The following OR11A1 variants were observed in gnomAD, a reference collection of about 807,000 sequenced individuals.
OR11A1 encodes the protein olfactory receptor 11A1.
For synonymous variants in OR11A1, 158 were observed against 152.2 expected (o/e 1.04, Z -0.28); for missense variants, 380 against 378.2 (o/e 1.00, Z -0.04).
chr6:29,453,978 A>G lies in OR11A1; in HGVS notation c.-389+3009T>C, dbSNP rs1423567190. On this transcript the variant is annotated intron_variant, in intron 1 of 4. Transcript: ENST00000377149. The surrounding 1 kb of genome is among the most constrained non-coding windows in gnomAD (Gnocchi z 4.5). ...CTGGGATCCAAGATTTTAAAATATG[A>G]ATTTTTAAGAGCTAGGTTGAGACCA... Among the ~76,000 whole-genome samples the G allele has an allele frequency of 2.0e-5, 3 of 152,166 alleles. No individual in the cohort carries two copies. The highest frequency in any genetic ancestry group is 7.2e-5 in the African/African-American group (3 of 41,440).
At chr6:29,432,979 A>T (rs73403384) in intron 1 of OR11A1, among the ~76,000 whole-genome samples, 10,202 of 152,250 alleles carry the variant, frequency 0.067, 581 homozygotes, top group African/African-American at 0.15. Flanking sequence ...ATATGCTAAA[A>T]GGTAAGTATA....
intron 1 of OR11A1, among the ~76,000 whole-genome samples, chr6:29,433,192 G>A (rs1783355238): frequency 6.6e-6 from 1 of 152,032 alleles, no homozygotes; most frequent in Non-Finnish European, 1.5e-5. Context: ...TTTTTGTGAT[G>A]AGAACACTCA....
intron 1 of OR11A1, among the ~76,000 whole-genome samples, chr6:29,443,786 G>C (rs1440030433): frequency 1.3e-5 from 2 of 152,204 alleles, no homozygotes; most frequent in South Asian, 2.1e-4. Flanking sequence ...CTCATCTCCA[G>C]GAAATGTGCA....
At chr6:29,444,091 G>A (rs568035601) in intron 1 of OR11A1, among the ~76,000 whole-genome samples, 7 of 152,268 alleles carry the variant, frequency 4.6e-5, no homozygotes, top group East Asian at 1.9e-4. Context: ...TGTGTTGTGG[G>A]AGGGACCTGG....
chr6:29,433,918 C>T (rs1226039834), intron 1 of OR11A1, among the ~76,000 whole-genome samples: 1 of 152,050 alleles, frequency 6.6e-6, no homozygotes, highest in Non-Finnish European at 1.5e-5. Context: ...TCCCTGATGA[C>T]TAGTGATGTT....
intron 1 of OR11A1, chr6:29,440,982 G>A: frequency 7.0e-7 from 1 of 1,423,710 alleles, no homozygotes; most frequent in Non-Finnish European, 9.8e-7. Flanking sequence ...CTTCTGTGCA[G>A]TGCTCTGAGT....
chr6:29,428,558 A>G, intron 4 of OR11A1: 1 of 181,884 alleles, frequency 5.5e-6, no homozygotes, highest in Non-Finnish European at 1.0e-5. Context: ...GATCGAGACC[A>G]TCCTGACTAA....
intron 1 of OR11A1, chr6:29,440,146 T>C (rs745702457): frequency 6.8e-6 from 11 of 1,613,460 alleles, no homozygotes; most frequent in African/African-American, 5.3e-5. Flanking sequence ...AATTTCCTCA[T>C]TGTGGTGCTG....
chr6:29,427,881 G>T (rs1258250718), intron 4 of OR11A1, 149 bp from the exon 5 acceptor site: 1 of 660,446 alleles, frequency 1.5e-6, no homozygotes, highest in Non-Finnish European at 2.4e-6. Flanking sequence ...ATTCTTTAAC[G>T]CTCAGAAGAG....
In OR11A1 at chr6:29,427,378, C is replaced by A. The variant is rs748590929; in HGVS notation, c.264G>T (p.Leu88=). The change falls in exon 5 of 5, where the codon CTG becomes CTT. Residue 88 remains leucine (L), a synonymous_variant. Transcript: ENST00000377149. ...CAGCCACAGAGATAGTTGCTTCTTG[C>A]AGGAAGCCCTCCAGCATTTTTGGCA... is the stretch of plus-strand genomic sequence containing the variant. ...AVMPKMLEGF[L]QEATISVAGC... 3.1e-6 allele frequency: 5 copies of A among 1,612,942 alleles called. No individual in the cohort carries two copies. In the East Asian group the frequency reaches 6.7e-5, roughly 22 times the overall value.
At chr6:29,450,708 G>A (rs1325267861) in intron 1 of OR11A1, 1 of 151,930 alleles carries the variant, frequency 6.6e-6, no homozygotes, top group Non-Finnish European at 1.5e-5. Context: ...GGAAATCAGA[G>A]ACAACACACA....
At chr6:29,429,581 T>A (rs1239406639) in intron 3 of OR11A1, among the ~76,000 whole-genome samples, 1 of 152,162 alleles carries the variant, frequency 6.6e-6, no homozygotes, top group Non-Finnish European at 1.5e-5. Context: ...GAGGAAGTGA[T>A]GCTGAACTGA....
chr6:29,431,162 G>T (rs7349875), intron 2 of OR11A1, among the ~76,000 whole-genome samples: 35,030 of 151,820 alleles, frequency 0.23, 4,347 homozygotes, highest in Non-Finnish European at 0.28. Flanking sequence ...TAATTAAAAT[G>T]AGCAATTCAA....
intron 2 of OR11A1, among the ~76,000 whole-genome samples, chr6:29,430,929 A>G (rs1282668913): frequency 2.0e-5 from 3 of 152,200 alleles, no homozygotes; most frequent in African/African-American, 7.2e-5. Flanking sequence ...ATGAATTTAG[A>G]GTTGAAAACT....
At chr6:29,427,871 AT>A in intron 4 of OR11A1, 139 bp from the exon 5 acceptor site, 1 of 686,084 alleles carries the variant, frequency 1.5e-6, no homozygotes. Flanking sequence ...AATTGTGCAT[AT>A]TCTTTAACGC....
chr6:29,446,816 G>T (rs1361822347), intron 1 of OR11A1, among the ~76,000 whole-genome samples: 1 of 152,184 alleles, frequency 6.6e-6, no homozygotes, highest in East Asian at 1.9e-4. Context: ...CTTCTCAGGA[G>T]GCTGATTTAG....
intron 2 of OR11A1, 65 bp from the exon 3 acceptor site, chr6:29,430,490 C>T: frequency 2.1e-6 from 2 of 934,620 alleles, no homozygotes; most frequent in Non-Finnish European, 1.3e-6. Context: ...TAGCTCATGA[C>T]CACTACCTCC....
At chr6:29,449,120 A>G (rs569458180) in intron 1 of OR11A1, among the ~76,000 whole-genome samples, 1 of 152,338 alleles carries the variant, frequency 6.6e-6, no homozygotes, top group Non-Finnish European at 1.5e-5. Flanking sequence ...ACTATTCTGT[A>G]TGTACTAGGA....
intron 1 of OR11A1, among the ~76,000 whole-genome samples, chr6:29,433,894 A>C (rs1783437616): frequency 6.6e-6 from 1 of 152,066 alleles, no homozygotes; most frequent in Non-Finnish European, 1.5e-5. Context: ...CTTATTGTGA[A>C]TTTAATTTGT....
Sources: allele counts gnomAD v4.1 joint callset (sites outside exome capture counted in the v4.1 genomes callset), GRCh38; gene constraint gnomAD v4.1.1; non-coding constraint Gnocchi (gnomAD v3.1); transcripts MANE v1.5; gene names NCBI Gene and HGNC (gene_info 2026-07-23, HGNC 2026-07-21).